SEPTIN9: variants seen among roughly 807,000 people sequenced by gnomAD.
SEPTIN9 encodes the protein septin-9.
SEPTIN9 carries 13 observed loss-of-function variants against 56.6 expected under a neutral mutation model. The ratio of observed to expected loss-of-function variants is 0.23; its 90% CI spans 0.15 to 0.37. The LOEUF is 0.37. Ranked by LOEUF, SEPTIN9 falls within the 10% of genes least tolerant of loss-of-function variation. The pLI is 1.00. For synonymous variants in SEPTIN9, 332 were observed against 334.1 expected (o/e 0.99, Z 0.07); for missense variants, 650 against 823.1 (o/e 0.79, Z 2.57).
chr17:77,340,693 C>T (rs1568002478), intron 2 of SEPTIN9, among the ~76,000 whole-genome samples: 1 of 152,202 alleles, frequency 6.6e-6, no homozygotes, highest in Non-Finnish European at 1.5e-5. Context: ...CTATGAAAAT[C>T]CTAGATGACA....
In SEPTIN9 at chr17:77,367,282, C is replaced by T. The variant is rs1334257164; in HGVS notation, c.77-34777C>T. On this transcript the variant is annotated intron_variant, in intron 2 of 11. Coordinates refer to ENST00000427177, the MANE Select transcript of SEPTIN9 (RefSeq NM_001113491.2). The surrounding 1 kb of genome is among the most constrained non-coding windows in gnomAD (Gnocchi z 4.5). ...GCACTGTCTGTGATCCTGGGCATGTCGAGGCTGGAGCAGGTCTGCTTGGTG... is the reference window on the plus strand; with the variant it reads ...GCACTGTCTGTGATCCTGGGCATGTTGAGGCTGGAGCAGGTCTGCTTGGTG... Among the ~76,000 whole-genome samples, 4 of 152,100 alleles carry T rather than the reference C, an allele frequency of 2.6e-5. No individual in the cohort carries two copies. The highest frequency in any genetic ancestry group is 4.4e-5 in the Non-Finnish European group (3 of 68,012).
intron 1 of SEPTIN9, among the ~76,000 whole-genome samples, chr17:77,304,788 G>A (rs183954559): frequency 1.3e-5 from 2 of 152,312 alleles, no homozygotes; most frequent in Non-Finnish European, 2.9e-5. Flanking sequence ...TGGTGTGTGC[G>A]TGGGGATGTG....
chr17:77,432,922 G>C (rs1055791023), intron 3 of SEPTIN9, among the ~76,000 whole-genome samples: 14 of 152,318 alleles, frequency 9.2e-5, no homozygotes, highest in Non-Finnish European at 1.8e-4. Context: ...GGAATTTCTG[G>C]CCCCTTGGCA....
Position 77,292,989 on chromosome 17 carries a change from CATTTATTTATTT to C in SEPTIN9, c.19+11464_19+11475del, listed in dbSNP as rs138504683. Among the ~76,000 whole-genome samples, 1,111 of 116,384 alleles carry C rather than the reference CATTTATTTATTT, an allele frequency of 9.5e-3. 14 individuals are homozygous for C. Among genetic ancestry groups the C allele is most frequent in the African/African-American group, 0.027 (994 of 36,308 alleles). 76.4% of individuals were successfully genotyped at this position (116,384 alleles called of 152,430 possible). A position where few individuals can be genotyped will look rare whatever the true frequency, so the allele number is the denominator to read the frequency against. ...AACCAGGAAATGGAAACCGCTTGAG[CATTTATTTATTT>C]ATTTATTTATTTATTTATTTATTTA... On this transcript the variant is annotated intron_variant, in intron 1 of 11. Transcript: ENST00000427177.
At chr17:77,441,800 C>A (rs1244654987) in intron 3 of SEPTIN9, among the ~76,000 whole-genome samples, 1 of 152,224 alleles carries the variant, frequency 6.6e-6, no homozygotes, top group East Asian at 1.9e-4. Flanking sequence ...TTTCCTCCTA[C>A]CAGACCTGAC....
At chr17:77,354,327 C>T (rs192413790) in intron 2 of SEPTIN9, among the ~76,000 whole-genome samples, 4 of 152,326 alleles carry the variant, frequency 2.6e-5, no homozygotes, top group East Asian at 1.9e-4. Flanking sequence ...CGCACATGAA[C>T]GCTCACTCAT....
At chr17:77,360,860 G>A (rs1300685338) in intron 2 of SEPTIN9, among the ~76,000 whole-genome samples, 1 of 151,552 alleles carries the variant, frequency 6.6e-6, no homozygotes, top group Non-Finnish European at 1.5e-5. Context: ...CCGGCCTAGG[G>A]TAGGTTGTTA....
chr17:77,473,252 T>C (rs1449106897), intron 3 of SEPTIN9, among the ~76,000 whole-genome samples: 1 of 152,322 alleles, frequency 6.6e-6, no homozygotes, highest in South Asian at 2.1e-4. Context: ...TTTAACCTGC[T>C]CTCCCTCTTC....
In SEPTIN9 at chr17:77,478,441, T is replaced by C. The variant is rs573435918; in HGVS notation, c.722-3703T>C. ...AGAGATATTTGTACACCCACATTCA[T>C]AGCGGCTCTGTTCACAGTAGCCAGC... is the stretch of plus-strand genomic sequence containing the variant. On this transcript the variant is annotated intron_variant, in intron 3 of 11. Coordinates refer to ENST00000427177, the MANE Select transcript of SEPTIN9 (RefSeq NM_001113491.2). 1.4e-4 allele frequency among the ~76,000 whole-genome samples: 21 copies of C among 152,318 alleles called. No homozygotes were observed. The South Asian group carries it at 4.3e-3, about 32-fold the overall frequency.
intron 4 of SEPTIN9, 59 bp downstream of exon 4, chr17:77,482,394 G>C (rs1385013620): frequency 1.3e-6 from 2 of 1,568,814 alleles, no homozygotes; most frequent in Admixed American, 3.4e-5. Context: ...CAGCCCCCAG[G>C]GCGGCCCACA....
intron 3 of SEPTIN9, among the ~76,000 whole-genome samples, chr17:77,447,725 A>C (rs1225898647): frequency 6.6e-6 from 1 of 152,224 alleles, no homozygotes; most frequent in Non-Finnish European, 1.5e-5. Context: ...CCCGGGTTCA[A>C]GCGATTCTCC....
At chr17:77,385,196 C>T (rs557632044) in intron 2 of SEPTIN9, among the ~76,000 whole-genome samples, 1 of 139,518 alleles carries the variant, frequency 7.2e-6, no homozygotes, top group South Asian at 2.4e-4. Flanking sequence ...CAGAGTTTCA[C>T]TGTGTCCCAG....
At chr17:77,353,884 C>T (rs987212744) in intron 2 of SEPTIN9, among the ~76,000 whole-genome samples, 1 of 152,162 alleles carries the variant, frequency 6.6e-6, no homozygotes, top group Non-Finnish European at 1.5e-5. Flanking sequence ...CACACACGCA[C>T]ATTGCATGTG....
At chr17:77,430,051 C>T (rs1181265875) in intron 3 of SEPTIN9, among the ~76,000 whole-genome samples, 1 of 152,148 alleles carries the variant, frequency 6.6e-6, no homozygotes, top group Non-Finnish European at 1.5e-5. Flanking sequence ...GCCTCCCAGC[C>T]TGTGGAGTAG....
At chr17:77,404,631 G>GT (rs1421285765) in intron 3 of SEPTIN9, among the ~76,000 whole-genome samples, 9 of 152,108 alleles carry the variant, frequency 5.9e-5, no homozygotes, top group South Asian at 4.1e-4. Context: ...GAGGGTGTGG[G>GT]TTTGGGGGGA....
In SEPTIN9 at chr17:77,500,159, GGAGTGTAT is replaced by G. The variant is rs932653464; in HGVS notation, c.*1508_*1515del. ...GCAGCCAGGAGAAGGTCAGCGAGAA[GGAGTGTAT>G]GAGTGTGAGTGTGTGTGCATGGAAG... On this transcript the variant is annotated 3_prime_UTR_variant, in exon 12 of 12. Transcript: ENST00000427177. 1.1e-4 allele frequency: 25 copies of G among 233,358 alleles called. No individual in the cohort carries two copies. The Admixed American group carries it at 1.2e-3, about 12-fold the overall frequency. The allele number at this position is 233,358 out of a possible 1,614,324, so 14.5% of individuals were successfully genotyped here.
chr17:77,294,539 C>T (rs2031716987), intron 1 of SEPTIN9: 1 of 170,262 alleles, frequency 5.9e-6, no homozygotes, highest in Non-Finnish European at 1.3e-5. Context: ...GGTGCTGCTA[C>T]AATTGTTTTG....
In SEPTIN9 at chr17:77,500,308, T is replaced by G. The variant is rs761595948; in HGVS notation, c.*1650T>G. On this transcript the variant is annotated 3_prime_UTR_variant, in exon 12 of 12. Coordinates refer to ENST00000427177, the MANE Select transcript of SEPTIN9 (RefSeq NM_001113491.2). ...TGCCATGTTTTTGCCAAAACCAAGA[T>G]TTTGAAGGAAATGAGTGGCCAGCGC... The G allele has an allele frequency of 4.4e-6, 1 of 227,946 alleles. No individual in the cohort carries two copies. The highest frequency in any genetic ancestry group is 8.7e-6 in the Non-Finnish European group (1 of 114,434). 14.1% of individuals were successfully genotyped at this position (227,946 alleles called of 1,614,324 possible).
chr17:77,372,800 G>A (rs1172554234), intron 2 of SEPTIN9, among the ~76,000 whole-genome samples: 2 of 151,710 alleles, frequency 1.3e-5, no homozygotes, highest in Non-Finnish European at 2.9e-5. Flanking sequence ...TGGTGCCATG[G>A]GACTCGCATG....
Sources: allele counts gnomAD v4.1 joint callset (sites outside exome capture counted in the v4.1 genomes callset), GRCh38; gene constraint gnomAD v4.1.1; non-coding constraint Gnocchi (gnomAD v3.1); transcripts MANE v1.5; gene names NCBI Gene and HGNC (gene_info 2026-07-23, HGNC 2026-07-21).